Variants in CCDC82 observed in about 807,000 individuals in gnomAD.
CCDC82 encodes coiled-coil domain-containing protein 82.
CCDC82 carries 47 observed loss-of-function variants against 60.6 expected under a neutral mutation model. The ratio of observed to expected loss-of-function variants is 0.77; its 90% CI spans 0.61 to 0.99. CCDC82 has a LOEUF of 0.99. Ranked by LOEUF, CCDC82 falls within the 50% of genes least tolerant of loss-of-function variation. The pLI, the probability that CCDC82 is intolerant of heterozygous loss-of-function variation, is 0.00. For missense variants in CCDC82, 588 were observed against 633.0 expected (o/e 0.93, Z 0.76); for synonymous variants, 212 against 207.4 (o/e 1.02, Z -0.19).
In CCDC82 at chr11:96,384,391, C is replaced by T; in HGVS notation, c.357G>A (p.Arg119=). ...YEEETNKIKH[R]NIDLQDQEKH... is the part of the protein sequence containing the mutation. ...TTTCCTGATCTTGTAAGTCAATATT[C>T]CTATGTTTGATTTTGTTCGTTTCTT... The change falls in exon 4 of 10, where the codon AGG becomes AGA. Residue 119 remains arginine, a synonymous_variant. Transcript: ENST00000646818. The T allele has an allele frequency of 6.2e-7, 1 of 1,613,614 alleles. No individual in the cohort carries two copies. Among genetic ancestry groups the T allele is most frequent in the Non-Finnish European group, 8.5e-7 (1 of 1,179,786 alleles).
At chr11:96,370,982 C>G in intron 7 of CCDC82, 31 bp downstream of exon 7, 1 of 1,486,326 alleles carries the variant, frequency 6.7e-7, no homozygotes, top group African/African-American at 1.4e-5. Context: ...CCCCCAACCC[C>G]CAAGCAGAGA....
At chr11:96,387,874 T>C (rs1050532163) in intron 1 of CCDC82, 7 of 152,158 alleles carry the variant, frequency 4.6e-5, no homozygotes, top group East Asian at 1.9e-4. Flanking sequence ...ATAACACCAA[T>C]TGCAAAATTT....
At chr11:96,358,654 C>T in intron 9 of CCDC82, 31 of 1,268,296 alleles carry the variant, frequency 2.4e-5, no homozygotes, top group Non-Finnish European at 3.1e-5. Context: ...AGAGGTGAGT[C>T]CTATACTCTG....
At chr11:96,355,273 T>G (rs1399549043) in intron 9 of CCDC82, 1 of 152,174 alleles carries the variant, frequency 6.6e-6, no homozygotes, top group East Asian at 1.9e-4. Flanking sequence ...TTGCTCAGGC[T>G]GGCCTTGAAC....
intron 7 of CCDC82, among the ~76,000 whole-genome samples, chr11:96,367,946 C>T (rs1407285791): frequency 2.0e-5 from 3 of 151,510 alleles, no homozygotes; most frequent in East Asian, 3.9e-4. Flanking sequence ...TCAGCCTCCC[C>T]AGTAGCTGGA....
chr11:96,383,209 G>T, intron 5 of CCDC82, 60 bp downstream of exon 5: 1 of 986,190 alleles, frequency 1.0e-6, no homozygotes, highest in Non-Finnish European at 1.6e-6. Flanking sequence ...AGGCTAATTT[G>T]ATACTTGATA....
intron 5 of CCDC82, among the ~76,000 whole-genome samples, chr11:96,377,357 T>TAC (rs145911994): frequency 0.66 from 98,408 of 149,424 alleles, 32,196 homozygotes; most frequent in Middle Eastern, 0.71. Context: ...GTGTACATAA[T>TAC]ACACACACAC....
At chr11:96,365,687 T>C (rs1864908540) in intron 7 of CCDC82, among the ~76,000 whole-genome samples, 1 of 152,226 alleles carries the variant, frequency 6.6e-6, no homozygotes, top group African/African-American at 2.4e-5. Flanking sequence ...GGTATTCATA[T>C]GGACAGTTTA....
chr11:96,377,667 T>C (rs905647284), intron 5 of CCDC82, among the ~76,000 whole-genome samples: 5 of 152,106 alleles, frequency 3.3e-5, no homozygotes, highest in African/African-American at 9.6e-5. Flanking sequence ...TTTTTCTCTA[T>C]TGATATATTA....
At chr11:96,386,058 CCAAA>C (rs765208626) in intron 3 of CCDC82, 192 bp downstream of exon 3, 1 of 151,932 alleles carries the variant, frequency 6.6e-6, no homozygotes, top group South Asian at 2.1e-4. Flanking sequence ...ATTTTTTATC[CCAAA>C]CAGTGACTTT....
intron 6 of CCDC82, among the ~76,000 whole-genome samples, chr11:96,372,124 G>T (rs1865306116): frequency 6.6e-6 from 1 of 151,924 alleles, no homozygotes; most frequent in Non-Finnish European, 1.5e-5. Context: ...CCTTCTAGTT[G>T]TTCTTGAACA....
At position 96,371,048 on chromosome 11, in the gene CCDC82, A is replaced by G; in HGVS notation, c.1174T>C (p.Leu392=). Residue 392 remains leucine, a synonymous_variant, in exon 7 of 10, where the codon TTG becomes CTG. Coordinates refer to ENST00000646818, the MANE Select transcript of CCDC82 (RefSeq NM_024725.4). ...TCTTTCCAACGACTTCTAGATACCA[A>G]GCTCTCTAGACGAGGCTGAACAAAG... ...NRFVQPRLES[L]VSRSRWKEQY... The G allele has an allele frequency of 6.2e-7, 1 of 1,601,784 alleles. No homozygotes were observed. The highest frequency in any genetic ancestry group is 8.5e-7 in the Non-Finnish European group (1 of 1,174,776).
chr11:96,375,414 A>G (rs754861774), intron 5 of CCDC82, among the ~76,000 whole-genome samples: 26 of 152,180 alleles, frequency 1.7e-4, no homozygotes, highest in Non-Finnish European at 3.2e-4. Context: ...ATCAGAATGT[A>G]CTTCAAAAAA....
At chr11:96,368,559 T>C (rs1400318635) in intron 7 of CCDC82, among the ~76,000 whole-genome samples, 1 of 152,098 alleles carries the variant, frequency 6.6e-6, no homozygotes, top group African/African-American at 2.4e-5. Context: ...TTTACTTCTT[T>C]TTAGCTATAA....
At chr11:96,362,456 T>C (rs1401112227) in intron 8 of CCDC82, among the ~76,000 whole-genome samples, 1 of 152,224 alleles carries the variant, frequency 6.6e-6, no homozygotes, top group Admixed American at 6.5e-5. Flanking sequence ...ACAGACATAT[T>C]ATACAATGCC....
rs1482461957 is a variant in CCDC82 at position 96,380,348 on chromosome 11, G to C, written c.991+2921C>G. Among the ~76,000 whole-genome samples the C allele has an allele frequency of 2.0e-5, 3 of 151,718 alleles. No homozygotes were observed. The East Asian group carries it at 5.8e-4, about 29-fold the overall frequency. On this transcript the variant is annotated intron_variant, in intron 5 of 9. Transcript: ENST00000646818. ...CATTGAAAATAAAGAGAACTGAGTA[G>C]ATAATAGAGCCGAATGAGAAGCTGT...
chr11:96,358,666 CAAAAAAAAA>C, intron 9 of CCDC82: 1 of 1,084,718 alleles, frequency 9.2e-7, no homozygotes, highest in Non-Finnish European at 1.2e-6. Flanking sequence ...TATACTCTGT[CAAAAAAAAA>C]AAAAAAAATC....
rs1260825782 is a variant in CCDC82 at position 96,371,132 on chromosome 11, T to C, written c.1090A>G (p.Thr364Ala). ...ESFLGTLYDG[T>A]RQKSYAKDML... ...TCTTTTGCATATGATTTTTGCCTTG[T>C]GCCATCTGTTCAGGGGATAAACAAC... Residue 364 changes from threonine to alanine, a missense_variant, in exon 7 of 10, where the codon ACA becomes GCA. Transcript: ENST00000646818. The C allele has an allele frequency of 5.7e-6, 9 of 1,588,474 alleles. No homozygotes were observed. Among genetic ancestry groups the C allele is most frequent in the Non-Finnish European group, 7.7e-6 (9 of 1,168,410 alleles).
At chr11:96,358,599 T>A (rs1388655306) in intron 9 of CCDC82, 3 of 1,234,284 alleles carry the variant, frequency 2.4e-6, no homozygotes, top group Non-Finnish European at 3.0e-6. Context: ...GCTTCTTCAC[T>A]CTCAGGTCAC....
Sources: allele counts gnomAD v4.1 joint callset (sites outside exome capture counted in the v4.1 genomes callset), GRCh38; gene constraint gnomAD v4.1.1; transcripts MANE v1.5; gene names NCBI Gene and HGNC (gene_info 2026-07-23, HGNC 2026-07-21).